Variants in NRXN1 observed in about 807,000 individuals in gnomAD.
NRXN1 encodes the protein neurexin 1.
A neutral mutation model predicts 150.9 loss-of-function variants in NRXN1; 39 were observed. The observed-to-expected ratio is 0.26, with a 90% CI of 0.20 to 0.34. The LOEUF (loss-of-function observed/expected upper bound fraction) is 0.34, where lower values mean the gene tolerates loss of function less well. Ranked by LOEUF, NRXN1 falls within the 10% of genes least tolerant of loss-of-function variation. The pLI, the probability that NRXN1 is intolerant of heterozygous loss-of-function variation, is 1.00. For missense variants in NRXN1, 1,815 were observed against 1,949.9 expected (o/e 0.93, Z 1.30); for synonymous variants, 924 against 757.0 (o/e 1.22, Z -3.62).
intron 17 of NRXN1, among the ~76,000 whole-genome samples, chr2:50,291,444 T>C (rs1446979938): frequency 1.3e-5 from 2 of 152,154 alleles, no homozygotes; most frequent in Non-Finnish European, 2.9e-5. Context: ...CAACAGGCGA[T>C]ACTTTGCCAG....
intron 17 of NRXN1, among the ~76,000 whole-genome samples, chr2:50,429,787 C>T (rs568838797): frequency 1.3e-5 from 2 of 152,040 alleles, no homozygotes; most frequent in Non-Finnish European, 2.9e-5. Context: ...ATGAGTTGTG[C>T]CCCATCAATA....
intron 18 of NRXN1, among the ~76,000 whole-genome samples, chr2:50,141,827 A>T (rs1333494567): frequency 6.6e-6 from 1 of 152,104 alleles, no homozygotes; most frequent in South Asian, 2.1e-4. Flanking sequence ...ATGTGGAGAA[A>T]AGGCAATTCT....
chr2:50,663,514 T>A (rs1171921137), intron 5 of NRXN1, among the ~76,000 whole-genome samples: 1 of 152,024 alleles, frequency 6.6e-6, no homozygotes, highest in Non-Finnish European at 1.5e-5. Flanking sequence ...GTCTAAGTTA[T>A]CTCTTTAGAT....
At chr2:50,972,544 C>T (rs940798622) in intron 2 of NRXN1, among the ~76,000 whole-genome samples, 1 of 152,096 alleles carries the variant, frequency 6.6e-6, no homozygotes, top group African/African-American at 2.4e-5. Flanking sequence ...CACTTTATTT[C>T]TATTATTATT....
chr2:50,105,760 A>T (rs915064328), intron 18 of NRXN1, among the ~76,000 whole-genome samples: 2 of 151,988 alleles, frequency 1.3e-5, no homozygotes, highest in African/African-American at 2.4e-5. Context: ...CAGGTGTTCC[A>T]TGTGTCATGA....
At position 50,304,830 on chromosome 2, in the gene NRXN1, C is replaced by T. The variant is rs186032591; in HGVS notation, c.3365-67860G>A. ...CACTGAGACCGAGTGTGGTGGCTCA[C>T]GCTATAATCCCAGCACTTTGAGAGG... On this transcript the variant is annotated intron_variant, in intron 17 of 22. Coordinates refer to ENST00000401669, the MANE Select transcript of NRXN1 (RefSeq NM_001330078.2). Among the ~76,000 whole-genome samples the T allele has an allele frequency of 4.6e-5, 7 of 152,130 alleles. No homozygotes were observed. In the East Asian group the frequency reaches 9.7e-4, roughly 21 times the overall value.
At chr2:50,520,517 G>C (rs1573376205) in intron 12 of NRXN1, among the ~76,000 whole-genome samples, 1 of 151,638 alleles carries the variant, frequency 6.6e-6, no homozygotes, top group Non-Finnish European at 1.5e-5. Flanking sequence ...ACATTTAGAG[G>C]GATATACTTC....
intron 18 of NRXN1, among the ~76,000 whole-genome samples, chr2:50,194,404 C>A (rs996694596): frequency 1.3e-5 from 2 of 152,214 alleles, no homozygotes; most frequent in South Asian, 4.1e-4. Flanking sequence ...ATTTACAAAT[C>A]CAAGAATACA....
At chr2:50,374,964 A>G (rs1239283920) in intron 17 of NRXN1, among the ~76,000 whole-genome samples, 3 of 152,164 alleles carry the variant, frequency 2.0e-5, no homozygotes, top group Admixed American at 6.5e-5. Flanking sequence ...TGCAGCTGGG[A>G]TCAAGTTACT....
At chr2:50,978,830 C>A (rs544853106) in intron 2 of NRXN1, among the ~76,000 whole-genome samples, 3 of 152,120 alleles carry the variant, frequency 2.0e-5, no homozygotes, top group South Asian at 2.1e-4. Context: ...TCCCCGGATG[C>A]TTCCTTAATA....
At chr2:49,948,963 T>C (rs1275669627) in intron 21 of NRXN1, among the ~76,000 whole-genome samples, 1 of 152,014 alleles carries the variant, frequency 6.6e-6, no homozygotes, top group Non-Finnish European at 1.5e-5. Context: ...TTCAGACTGG[T>C]CTGTACATGC....
At chr2:50,925,796 T>C (rs1172177120) in intron 3 of NRXN1, 142 bp downstream of exon 3, 8 of 676,790 alleles carry the variant, frequency 1.2e-5, no homozygotes, top group Non-Finnish European at 2.1e-5. Context: ...ATGTGTTCTG[T>C]ATGAAAAGTG....
intron 5 of NRXN1, among the ~76,000 whole-genome samples, chr2:50,915,121 T>A (rs193021368): frequency 7.3e-4 from 111 of 151,806 alleles, no homozygotes; most frequent in African/African-American, 2.6e-3. Flanking sequence ...CTCCTTAACA[T>A]TTTTAGCAAA....
chr2:50,303,182 C>T (rs567640123), intron 17 of NRXN1, among the ~76,000 whole-genome samples: 6 of 152,276 alleles, frequency 3.9e-5, no homozygotes, highest in East Asian at 1.9e-4. Context: ...CCCCAGAACA[C>T]ATCCAATTTG....
At chr2:50,058,272 T>A (rs1437738421) in intron 19 of NRXN1, among the ~76,000 whole-genome samples, 1 of 152,022 alleles carries the variant, frequency 6.6e-6, no homozygotes, top group African/African-American at 2.4e-5. Context: ...ATAAAACAAT[T>A]TAGAAAATCG....
chr2:50,129,787 A>G (rs961255880), intron 18 of NRXN1, among the ~76,000 whole-genome samples: 3 of 152,156 alleles, frequency 2.0e-5, no homozygotes, highest in African/African-American at 4.8e-5. Context: ...CACTTTGGCC[A>G]CTCCAAAAAA....
intron 17 of NRXN1, among the ~76,000 whole-genome samples, chr2:50,385,334 G>A (rs551545940): frequency 1.3e-5 from 2 of 152,194 alleles, no homozygotes; most frequent in Non-Finnish European, 2.9e-5. Context: ...ACTTCTCTCT[G>A]CAGTATTAAA....
intron 5 of NRXN1, among the ~76,000 whole-genome samples, chr2:50,887,207 G>C (rs1444195361): frequency 1.3e-5 from 2 of 151,380 alleles, no homozygotes; most frequent in Non-Finnish European, 3.0e-5. Context: ...TCTAAATAAA[G>C]TTCTGATGTT....
intron 17 of NRXN1, among the ~76,000 whole-genome samples, chr2:50,417,831 C>T (rs946002400): frequency 6.6e-6 from 1 of 151,516 alleles, no homozygotes; most frequent in African/African-American, 2.4e-5. Flanking sequence ...ATCCAAGAAA[C>T]CGAAAAGTGC....
Sources: allele counts gnomAD v4.1 joint callset (sites outside exome capture counted in the v4.1 genomes callset), GRCh38; gene constraint gnomAD v4.1.1; transcripts MANE v1.5; gene names NCBI Gene and HGNC (gene_info 2026-07-23, HGNC 2026-07-21).